Variants in NDE1 observed in about 807,000 individuals in gnomAD.
The protein encoded by NDE1 is nudE neurodevelopment protein 1.
NDE1 carries 28 observed loss-of-function variants against 43.4 expected under a neutral mutation model. The ratio of observed to expected loss-of-function variants is 0.65; its 90% CI spans 0.48 to 0.89. NDE1 has a LOEUF of 0.89. Ranked by LOEUF, NDE1 falls within the 40% of genes least tolerant of loss-of-function variation. NDE1 has a pLI of 0.00. For missense variants in NDE1, 441 were observed against 434.1 expected (o/e 1.02, Z -0.14); for synonymous variants, 184 against 172.0 (o/e 1.07, Z -0.55).
intron 3 of NDE1, among the ~76,000 whole-genome samples, chr16:15,668,564 G>A (rs2037432384): frequency 6.6e-6 from 1 of 152,182 alleles, no homozygotes; most frequent in Admixed American, 6.6e-5. Context: ...CACCTGGCCA[G>A]GGAGACATTT....
intron 8 of NDE1, among the ~76,000 whole-genome samples, chr16:15,712,111 C>T (rs749949338): frequency 6.6e-6 from 1 of 152,150 alleles, no homozygotes; most frequent in Non-Finnish European, 1.5e-5. Flanking sequence ...TTGGCAACTT[C>T]ATCATTTTAG....
chr16:15,684,456 G>A (rs1481143790), intron 4 of NDE1: 5 of 151,676 alleles, frequency 3.3e-5, no homozygotes, highest in African/African-American at 9.7e-5. Context: ...AGCAGGATGT[G>A]GTGGTGCGTG....
At chr16:15,687,873 C>T (rs2038519630) in intron 5 of NDE1, among the ~76,000 whole-genome samples, 1 of 152,238 alleles carries the variant, frequency 6.6e-6, no homozygotes, top group African/African-American at 2.4e-5. Context: ...CCCTGATGCT[C>T]AGTAGGAACA....
In NDE1 at chr16:15,692,359, C is replaced by T. The variant is rs546018053; in HGVS notation, c.703+1036C>T. On this transcript the variant is annotated intron_variant, in intron 6 of 8. Coordinates refer to ENST00000396354, the MANE Select transcript of NDE1 (RefSeq NM_017668.3). ...TCTACTACCTTATCCCTTAGCTTGTCCCCTGGGCATGAAGAGACCAGTGAG... is the reference window on the plus strand; with the variant it reads ...TCTACTACCTTATCCCTTAGCTTGTTCCCTGGGCATGAAGAGACCAGTGAG... 9.2e-5 allele frequency among the ~76,000 whole-genome samples: 14 copies of T among 152,284 alleles called. No homozygotes were observed. The East Asian group carries it at 1.2e-3, about 13-fold the overall frequency.
chr16:15,646,484 G>A (rs2036331462), upstream of NDE1, among the ~76,000 whole-genome samples: 1 of 152,164 alleles, frequency 6.6e-6, no homozygotes, highest in South Asian at 2.1e-4. Flanking sequence ...AGGAATCTGA[G>A]GCAGGAGAAT....
intron 7 of NDE1, chr16:15,695,458 A>AGATC (rs2038966754): frequency 1.0e-6 from 1 of 972,796 alleles, no homozygotes; most frequent in East Asian, 1.2e-4. Context: ...CAGTGAGCTG[A>AGATC]GATCGCACCG....
chr16:15,718,072 G>C, intron 8 of NDE1: 1 of 608,118 alleles, frequency 1.6e-6, no homozygotes, highest in Non-Finnish European at 2.9e-6. Context: ...CGTGAGGTAC[G>C]GGGAGCCAGC....
chr16:15,716,199 C>G (rs1055313096), intron 8 of NDE1, among the ~76,000 whole-genome samples: 8 of 152,116 alleles, frequency 5.3e-5, no homozygotes, highest in Non-Finnish European at 7.4e-5. Flanking sequence ...TCCCAAAGTG[C>G]CGGGATTATG....
intron 3 of NDE1, among the ~76,000 whole-genome samples, chr16:15,673,854 G>C (rs981515888): frequency 1.3e-5 from 2 of 152,136 alleles, no homozygotes; most frequent in African/African-American, 4.8e-5. Context: ...GAATAGAATC[G>C]AGAGAGCACG....
intron 1 of NDE1, among the ~76,000 whole-genome samples, chr16:15,650,611 C>A (rs1002129348): frequency 6.6e-6 from 1 of 152,260 alleles, no homozygotes; most frequent in South Asian, 2.1e-4. Flanking sequence ...CTCTCTCCCA[C>A]CCCGTTGCCC....
chr16:15,664,549 G>A (rs2037204292), intron 1 of NDE1, among the ~76,000 whole-genome samples, 187 bp from the exon 2 acceptor site: 1 of 151,888 alleles, frequency 6.6e-6, no homozygotes, highest in Admixed American at 6.6e-5. Flanking sequence ...TAGAGACGGG[G>A]TTTCACCATG....
In NDE1 at chr16:15,725,120, G is replaced by A. The variant is rs1371155485; in HGVS notation, c.*869G>A. 11 of 692,448 alleles carry A rather than the reference G, an allele frequency of 1.6e-5. No homozygotes were observed. In the Admixed American group the frequency reaches 2.8e-4, roughly 18 times the overall value. The allele number at this position is 692,448 out of a possible 1,614,324, so 42.9% of individuals were successfully genotyped here. On this transcript the variant is annotated 3_prime_UTR_variant, in exon 9 of 9. Coordinates refer to ENST00000396354, the MANE Select transcript of NDE1 (RefSeq NM_017668.3). ...CACTGATTGAGAAAATACCCGTGAG[G>A]TATGGGACTCTGATAAAAAAAAAAA...
intron 1 of NDE1, among the ~76,000 whole-genome samples, chr16:15,660,544 G>T (rs142741585): frequency 1.3e-5 from 2 of 152,048 alleles, no homozygotes; most frequent in Non-Finnish European, 1.5e-5. Flanking sequence ...GGCCCCTACC[G>T]CCCACATCCT....
intron 2 of NDE1, among the ~76,000 whole-genome samples, chr16:15,665,759 CT>C (rs77651053): frequency 2.3e-3 from 309 of 135,252 alleles, no homozygotes; most frequent in Middle Eastern, 4.2e-3. Context: ...ATCTTATTTT[CT>C]TTTTTTTTTT....
chr16:15,675,528 C>G (rs1273978204), intron 3 of NDE1, among the ~76,000 whole-genome samples: 2 of 151,822 alleles, frequency 1.3e-5, no homozygotes, highest in African/African-American at 4.8e-5. Context: ...CCTCAACCTC[C>G]TGGTCTCAGG....
At chr16:15,655,335 TAGAGA>T (rs1226825877) in intron 1 of NDE1, among the ~76,000 whole-genome samples, 2 of 152,090 alleles carry the variant, frequency 1.3e-5, no homozygotes. Flanking sequence ...GTATTTTTAG[TAGAGA>T]CGGGGTTCAC....
chr16:15,721,695 TAA>T lies in NDE1; in HGVS notation c.948-2494_948-2493del, dbSNP rs371793842. On this transcript the variant is annotated intron_variant, in intron 8 of 8. Coordinates refer to ENST00000396354, the MANE Select transcript of NDE1 (RefSeq NM_017668.3). ...ATCCGGGGTCAGCGTCACTGAATTG[TAA>T]ATACCGGGGGAAGCCCTGTGTCCTG... is the stretch of plus-strand genomic sequence containing the variant. 3,048 of 1,568,854 alleles carry T rather than the reference TAA, an allele frequency of 1.9e-3. 4 individuals carry two copies. The highest frequency in any genetic ancestry group is 2.2e-3 in the African/African-American group (166 of 74,030).
intron 4 of NDE1, among the ~76,000 whole-genome samples, chr16:15,683,583 T>G (rs1310113192): frequency 6.6e-6 from 1 of 151,884 alleles, no homozygotes; most frequent in Non-Finnish European, 1.5e-5. Flanking sequence ...CCTGACTTTG[T>G]GATCCACCCG....
At chr16:15,662,455 T>A (rs1042909183) in intron 1 of NDE1, among the ~76,000 whole-genome samples, 2 of 151,628 alleles carry the variant, frequency 1.3e-5, no homozygotes. Context: ...GCTAATTTTT[T>A]TGTATTTTTA....
Sources: allele counts gnomAD v4.1 joint callset (sites outside exome capture counted in the v4.1 genomes callset), GRCh38; gene constraint gnomAD v4.1.1; transcripts MANE v1.5; gene names NCBI Gene and HGNC (gene_info 2026-07-23, HGNC 2026-07-21).